NCAM1: variants seen among roughly 807,000 people sequenced by gnomAD.
The protein encoded by NCAM1 is antigen recognized by monoclonal antibody 5.1H11.
In NCAM1, 14 loss-of-function variants were observed where a neutral mutation model predicts 109.8. That is an observed-to-expected ratio of 0.13 (90% CI 0.08 to 0.20). The LOEUF (loss-of-function observed/expected upper bound fraction) is 0.20, where lower values mean the gene tolerates loss of function less well. Among genes scored for constraint, NCAM1 ranks in the 10% least tolerant of loss-of-function variants. The pLI is 1.00. For missense variants in NCAM1, 774 were observed against 1,109.9 expected (o/e 0.70, Z 4.30); for synonymous variants, 418 against 442.9 (o/e 0.94, Z 0.70).
chr11:113,086,548 T>G (rs1364873949), intron 1 of NCAM1, among the ~76,000 whole-genome samples: 2 of 152,242 alleles, frequency 1.3e-5, no homozygotes, highest in Non-Finnish European at 2.9e-5. Flanking sequence ...TGTGTCTTGC[T>G]TCGAAGTTCT....
chr11:113,038,792 C>A (rs1420424012), intron 1 of NCAM1, among the ~76,000 whole-genome samples: 3 of 152,142 alleles, frequency 2.0e-5, no homozygotes. Context: ...TTTGCTTCTG[C>A]CATTTCTTGC....
intron 1 of NCAM1, among the ~76,000 whole-genome samples, chr11:113,070,835 A>G (rs1455233554): frequency 6.6e-6 from 1 of 152,166 alleles, no homozygotes; most frequent in Non-Finnish European, 1.5e-5. Context: ...GAAGGTGGTA[A>G]AAATTTGGAT....
chr11:113,194,786 G>A (rs1364612592), intron 1 of NCAM1, among the ~76,000 whole-genome samples: 6 of 152,230 alleles, frequency 3.9e-5, no homozygotes, highest in South Asian at 2.1e-4. Context: ...GCTGCTTTAC[G>A]CCTCAGGGGA....
chr11:113,124,778 C>G (rs1452116340), intron 1 of NCAM1, among the ~76,000 whole-genome samples: 1 of 152,204 alleles, frequency 6.6e-6, no homozygotes, highest in Non-Finnish European at 1.5e-5. Flanking sequence ...GCATTCAAGT[C>G]AGTATAAGAC....
In NCAM1 at chr11:113,098,589, A is replaced by G. The variant is rs782606299; in HGVS notation, c.53-103790A>G. Among the ~76,000 whole-genome samples, 118 of 152,302 alleles carry G rather than the reference A, an allele frequency of 7.7e-4. 1 individual carries two copies. Among genetic ancestry groups the G allele is most frequent in the Middle Eastern group, 6.8e-3 (2 of 294 alleles). On this transcript the variant is annotated intron_variant, in intron 1 of 19. Transcript: ENST00000316851. ...GTGATCACAGCTAGGAAGAAACTACAACAGGATATTAGGACAGGGAATTAT... is the reference window on the plus strand; with the variant it reads ...GTGATCACAGCTAGGAAGAAACTACGACAGGATATTAGGACAGGGAATTAT...
At position 113,220,602 on chromosome 11, in the gene NCAM1, C is replaced by CTTTTT. The variant is rs1175342641; in HGVS notation, c.1060-675_1060-671dup. 5.4e-4 allele frequency among the ~76,000 whole-genome samples: 41 copies of CTTTTT among 75,588 alleles called. 5 individuals carry two copies. The highest frequency in any genetic ancestry group is 1.6e-3 in the African/African-American group (27 of 16,428). The allele number at this position is 75,588 out of a possible 152,430, so 49.6% of individuals were successfully genotyped here. ...AGACCTATTCTCTCTCTCTCTCTCT[C>CTTTTT]TTTTTTTTTTTTTTTTTTTTTTTGA... On this transcript the variant is annotated intron_variant, in intron 8 of 19. Transcript: ENST00000316851.
chr11:113,051,363 A>G (rs964238598), intron 1 of NCAM1, among the ~76,000 whole-genome samples: 1 of 151,944 alleles, frequency 6.6e-6, no homozygotes, highest in African/African-American at 2.4e-5. Context: ...CAACACCATC[A>G]CTCTATGTGA....
chr11:113,181,692 A>G (rs1375603495), intron 1 of NCAM1, among the ~76,000 whole-genome samples: 1 of 149,534 alleles, frequency 6.7e-6, no homozygotes, highest in Non-Finnish European at 1.5e-5. Flanking sequence ...TATTTAAGAA[A>G]AAAAAGAGGG....
At chr11:113,002,095 G>T (rs1286455069) in intron 1 of NCAM1, among the ~76,000 whole-genome samples, 1 of 152,192 alleles carries the variant, frequency 6.6e-6, no homozygotes, top group Admixed American at 6.5e-5. Context: ...GAAACAATTA[G>T]TAAGCTGGGG....
At chr11:113,121,537 C>CAAAA (rs3051887) in intron 1 of NCAM1, among the ~76,000 whole-genome samples, 10,149 of 92,260 alleles carry the variant, frequency 0.11, 1,182 homozygotes, top group African/African-American at 0.14. Context: ...ACCAATCTTA[C>CAAAA]AAAAAAAAAA....
chr11:113,014,582 G>A (rs1555074999), intron 1 of NCAM1, among the ~76,000 whole-genome samples: 1 of 152,182 alleles, frequency 6.6e-6, no homozygotes, highest in Non-Finnish European at 1.5e-5. Context: ...ATGCTGTAGT[G>A]AAACACAAAA....
chr11:113,218,042 G>T (rs1350581188), intron 8 of NCAM1, among the ~76,000 whole-genome samples: 1 of 152,106 alleles, frequency 6.6e-6, no homozygotes, highest in African/African-American at 2.4e-5. Flanking sequence ...ATGTGTCCAG[G>T]GCACTTCAAC....
At chr11:113,271,936 A>ACCCTACCCCCACCTCCCGTGC (rs1487902281) in intron 19 of NCAM1, 60 bp downstream of exon 19, 3 of 1,034,098 alleles carry the variant, frequency 2.9e-6, no homozygotes, top group South Asian at 1.5e-5. Context: ...CCACCTCCCC[A>ACCCTACCCCCACCTCCCGTGC]CCCTACCCCC....
At chr11:113,002,450 A>G (rs1321848168) in intron 1 of NCAM1, among the ~76,000 whole-genome samples, 1 of 152,264 alleles carries the variant, frequency 6.6e-6, no homozygotes, top group Non-Finnish European at 1.5e-5. Flanking sequence ...AATATTAAAA[A>G]TTAGGCTATT....
At chr11:113,195,754 C>T (rs1158362237) in intron 1 of NCAM1, among the ~76,000 whole-genome samples, 5 of 151,998 alleles carry the variant, frequency 3.3e-5, no homozygotes, top group Admixed American at 2.6e-4. Flanking sequence ...GATCCACCTG[C>T]CTCTGCCTCC....
Position 113,049,298 on chromosome 11 carries a change from C to A in NCAM1, c.52+87634C>A, listed in dbSNP as rs189274014. On this transcript the variant is annotated intron_variant, in intron 1 of 19. Transcript: ENST00000316851. ...ATGATCAACTCCCTGGCCTTCACTC[C>A]AAGCTGTGATTCATCCCGGGCCTGA... 5.9e-5 allele frequency among the ~76,000 whole-genome samples: 9 copies of A among 152,266 alleles called. No homozygotes were observed. The East Asian group carries it at 1.2e-3, about 20-fold the overall frequency.
At chr11:113,146,721 G>C (rs1170727153) in intron 1 of NCAM1, among the ~76,000 whole-genome samples, 1 of 152,178 alleles carries the variant, frequency 6.6e-6, no homozygotes, top group Non-Finnish European at 1.5e-5. Context: ...CTAGGCAGAG[G>C]CCATCTGGGA....
intron 6 of NCAM1, 94 bp downstream of exon 6, chr11:113,207,472 G>C: frequency 2.1e-6 from 2 of 964,112 alleles, no homozygotes; most frequent in South Asian, 3.0e-5. Context: ...GAATGGATGT[G>C]GGCTTCTTAG....
rs540286134 is a variant in NCAM1, at chr11:113,204,413, C to T, written c.255C>T (p.Asn85=). 4.4e-5 allele frequency: 71 copies of T among 1,613,970 alleles called. No homozygotes were observed. Among genetic ancestry groups the T allele is most frequent in the Middle Eastern group, 3.3e-4 (2 of 6,062 alleles). The change falls in exon 3 of 20, where the codon AAC becomes AAT. Residue 85 remains asparagine (N), a synonymous_variant. Coordinates refer to ENST00000316851, the MANE Select transcript of NCAM1 (RefSeq NM_181351.5). ...CCTCCTCCACCCTCACCATCTATAA[C>T]GCCAACATCGACGACGCCGGCATTT... is the stretch of plus-strand genomic sequence containing the variant. The part of the protein sequence containing the change: ...DDSSSTLTIY[N]ANIDDAGIYK...
Sources: allele counts gnomAD v4.1 joint callset (sites outside exome capture counted in the v4.1 genomes callset), GRCh38; gene constraint gnomAD v4.1.1; transcripts MANE v1.5; gene names NCBI Gene and HGNC (gene_info 2026-07-23, HGNC 2026-07-21).